Variants in SLC16A14 observed in about 807,000 individuals in gnomAD.
SLC16A14 encodes monocarboxylate transporter 14.
In SLC16A14, 14 loss-of-function variants were observed where a neutral mutation model predicts 35.8. The observed-to-expected ratio is 0.39, with a 90% CI of 0.26 to 0.61. SLC16A14 has a LOEUF of 0.61. Ranked by LOEUF, SLC16A14 falls within the 20% of genes least tolerant of loss-of-function variation. SLC16A14 has a pLI of 0.51. For synonymous variants in SLC16A14, 248 were observed against 258.9 expected, an observed-to-expected ratio of 0.96 and a Z score of 0.40; for missense variants, 533 against 655.0, an observed-to-expected ratio of 0.81 and a Z score of 2.03.
In SLC16A14 at chr2:230,059,004, G is replaced by A. The variant is rs12468042; in HGVS notation, c.259+90C>T. 4,832 of 1,491,506 alleles carry A rather than the reference G, an allele frequency of 3.2e-3. 158 individuals carry two copies. In the Admixed American group the frequency reaches 0.069, roughly 21 times the overall value. The allele number at this position is 1,491,506 out of a possible 1,614,324, so 92.4% of individuals were successfully genotyped here. ...ATAGTAGCTAGTAACATCCAATATCGAATGTTACAACAATATAAAACATCA... is the reference window on the plus strand; with the variant it reads ...ATAGTAGCTAGTAACATCCAATATCAAATGTTACAACAATATAAAACATCA... On this transcript the variant is annotated intron_variant, in intron 2 of 4. Transcript: ENST00000295190.
At chr2:230,044,736 G>GTGTGTGTATA (rs575463088) in intron 4 of SLC16A14, among the ~76,000 whole-genome samples, 1 of 107,034 alleles carries the variant, frequency 9.3e-6, no homozygotes, top group African/African-American at 3.4e-5. Flanking sequence ...GTGTGTGTGT[G>GTGTGTGTATA]TATGTGTGTG....
intron 1 of SLC16A14, among the ~76,000 whole-genome samples, chr2:230,060,718 T>A (rs1467609065): frequency 6.6e-6 from 1 of 151,720 alleles, no homozygotes; most frequent in Non-Finnish European, 1.5e-5. Context: ...AGTGTGTGTA[T>A]AAAGACTGAG....
Position 230,067,571 on chromosome 2 carries a change from T to TCA in SLC16A14, c.-15+982_-15+983dup, listed in dbSNP as rs1553822791. The stretch of plus-strand genomic sequence containing the variant: ...CTCTCTCTCTCTCTCTCTCTCTCTC[T>TCA]CACACACACACACACAGCCGCACAC... On this transcript the variant is annotated intron_variant, in intron 1 of 4. Transcript: ENST00000295190. Among the ~76,000 whole-genome samples the TCA allele has an allele frequency of 4.4e-3, 633 of 143,780 alleles. 15 individuals are homozygous for TCA. Among genetic ancestry groups the TCA allele is most frequent in the African/African-American group, 0.015 (550 of 36,046 alleles). The allele number at this position is 143,780 out of a possible 152,430, so 94.3% of individuals were successfully genotyped here.
rs114280784 is a variant in SLC16A14, at chr2:230,058,040, A to T, written c.259+1054T>A. On this transcript the variant is annotated intron_variant, in intron 2 of 4. Coordinates refer to ENST00000295190, the MANE Select transcript of SLC16A14 (RefSeq NM_152527.5). ...CAAGACTCTGTCTTAAAAAAAAAAA[A>T]ATATATCAGAACTCTGAAATGAGAT... Among the ~76,000 whole-genome samples the T allele has an allele frequency of 8.2e-3, 1,148 of 139,672 alleles. 11 individuals carry two copies. The highest frequency in any genetic ancestry group is 0.027 in the African/African-American group (970 of 36,038). The allele number at this position is 139,672 out of a possible 152,430, so 91.6% of individuals were successfully genotyped here.
At chr2:230,048,167 C>T (rs955946712) in intron 3 of SLC16A14, among the ~76,000 whole-genome samples, 7 of 152,194 alleles carry the variant, frequency 4.6e-5, no homozygotes, top group African/African-American at 1.7e-4. Context: ...CAAATTATGT[C>T]ATTTAATCAT....
chr2:230,055,952 G>A (rs1277485961), intron 2 of SLC16A14, among the ~76,000 whole-genome samples: 2 of 152,126 alleles, frequency 1.3e-5, no homozygotes, highest in East Asian at 3.8e-4. Flanking sequence ...TACAACTGAC[G>A]TAAAACTTGA....
At chr2:230,037,652 A>G in intron 4 of SLC16A14, 121 bp from the exon 5 acceptor site, 2 of 782,418 alleles carry the variant, frequency 2.6e-6, no homozygotes, top group Non-Finnish European at 3.9e-6. Flanking sequence ...GTCATTTCAT[A>G]CCAATAAAAT....
At chr2:230,045,419 G>A (rs1233718282) in intron 4 of SLC16A14, among the ~76,000 whole-genome samples, 1 of 152,162 alleles carries the variant, frequency 6.6e-6, no homozygotes, top group Non-Finnish European at 1.5e-5. Context: ...AATTAGCCGG[G>A]CGTGGTGGTG....
At chr2:230,054,086 TG>T (rs5839354) in intron 2 of SLC16A14, among the ~76,000 whole-genome samples, 13 of 151,032 alleles carry the variant, frequency 8.6e-5, no homozygotes, top group African/African-American at 2.9e-4. Context: ...CAGCCTGAGG[TG>T]GGGGGGGAAG....
At position 230,067,534 on chromosome 2, in the gene SLC16A14, T is replaced by TTCTCTCTCTCTC. The variant is rs145179402; in HGVS notation, c.-15+1009_-15+1020dup. Among the ~76,000 whole-genome samples the TTCTCTCTCTCTC allele has an allele frequency of 3.6e-3, 467 of 128,338 alleles. 2 individuals are homozygous for TTCTCTCTCTCTC. Among genetic ancestry groups the TTCTCTCTCTCTC allele is most frequent in the African/African-American group, 0.013 (419 of 31,264 alleles). 84.2% of individuals were successfully genotyped at this position (128,338 alleles called of 152,430 possible). A position where few individuals can be genotyped will look rare whatever the true frequency, so the allele number is the denominator to read the frequency against. On this transcript the variant is annotated intron_variant, in intron 1 of 4. Coordinates refer to ENST00000295190, the MANE Select transcript of SLC16A14 (RefSeq NM_152527.5). ...CCCAACACTGCCTCTCTCCCCTCTCTTCTCTCTCTCTCTCTCTCTCTCTCT... is the reference window on the plus strand; with the variant it reads ...CCCAACACTGCCTCTCTCCCCTCTCTTCTCTCTCTCTCTCTCTCTCTCTCTCTCTCTCTCTCT...
chr2:230,054,085 G>GT (rs1553820341), intron 2 of SLC16A14, among the ~76,000 whole-genome samples: 2 of 115,362 alleles, frequency 1.7e-5, no homozygotes, highest in African/African-American at 3.2e-5. Flanking sequence ...GCAGCCTGAG[G>GT]TGGGGGGGGA....
rs1469784345 is a variant in SLC16A14, at chr2:230,068,707, C to G, written c.-167G>C. ...AGACGCGGGTGCCTGCGGCTCAGCT[C>G]TCCGCCCGGCTCGGTGCGCTCTGTG... On this transcript the variant is annotated 5_prime_UTR_variant, in exon 1 of 5. Coordinates refer to ENST00000295190, the MANE Select transcript of SLC16A14 (RefSeq NM_152527.5). The surrounding 1 kb of genome is among the most constrained non-coding windows in gnomAD (Gnocchi z 5.1). 3.9e-5 allele frequency: 6 copies of G among 152,694 alleles called. No homozygotes were observed. The highest frequency in any genetic ancestry group is 7.2e-5 in the African/African-American group (3 of 41,446). The allele number at this position is 152,694 out of a possible 1,614,324, so 9.5% of individuals were successfully genotyped here. A position where few individuals can be genotyped will look rare whatever the true frequency, so the allele number is the denominator to read the frequency against.
rs2077538384 is a variant in SLC16A14, at chr2:230,038,924, A to T, written c.1382-1393T>A. On this transcript the variant is annotated intron_variant, in intron 4 of 4. Transcript: ENST00000295190. The surrounding 1 kb of genome is among the most constrained non-coding windows in gnomAD (Gnocchi z 4.4). The stretch of plus-strand genomic sequence containing the variant: ...TCCATCTCAAAAAATAAAATGAAAT[A>T]AAAAAATAAGATTTTATGATCAAAC... Among the ~76,000 whole-genome samples, 1 of 152,114 alleles carries T rather than the reference A, an allele frequency of 6.6e-6. No homozygotes were observed. The highest frequency in any genetic ancestry group is 1.5e-5 in the Non-Finnish European group (1 of 68,036).
rs1252298355 is a variant in SLC16A14 at position 230,038,751 on chromosome 2, A to G, written c.1382-1220T>C. Reference sequence around the variant, plus strand: ...AAAACCCCCATCTCTACTAAAAAATACAAAAATTAGCTGGGTGTGGTGGTG... The same window carrying G: ...AAAACCCCCATCTCTACTAAAAAATGCAAAAATTAGCTGGGTGTGGTGGTG... On this transcript the variant is annotated intron_variant, in intron 4 of 4. Coordinates refer to ENST00000295190, the MANE Select transcript of SLC16A14 (RefSeq NM_152527.5). This position sits in a 1 kb window ranked among gnomAD's most constrained non-coding sequence, Gnocchi z 4.4. Among the ~76,000 whole-genome samples the G allele has an allele frequency of 5.9e-5, 9 of 152,048 alleles. No homozygotes were observed. Among genetic ancestry groups the G allele is most frequent in the Non-Finnish European group, 1.3e-4 (9 of 67,992 alleles).
chr2:230,037,380 C>A lies in SLC16A14; in HGVS notation c.1533G>T (p.Ter511TyrextTer85). 1.3e-6 allele frequency: 2 copies of A among 1,598,686 alleles called. No individual in the cohort carries two copies. The highest frequency in any genetic ancestry group is 1.1e-5 in the South Asian group (1 of 87,830). Residue 511 changes from the stop codon to tyrosine, a stop_lost, in exon 5 of 5, where the codon TAG (stop) becomes TAT (tyrosine). Transcript: ENST00000295190. ...AACCTACACGGAACATTACATGATACTAAACATGTGCACCATCCATGTATT... is the reference window on the plus strand; with the variant it reads ...AACCTACACGGAACATTACATGATAATAAACATGTGCACCATCCATGTATT... ...RRKYMDGAHV[*>Y]
rs1334881550 is a variant in SLC16A14, at chr2:230,035,970, C to T, written c.*1410G>A. ...ATTGTTTGATTCCAATTCCTAGTAG[C>T]ATTCCTGCGTCTAATTGTGAAGGAT... On this transcript the variant is annotated 3_prime_UTR_variant, in exon 5 of 5. Transcript: ENST00000295190. 1 of 152,590 alleles carries T rather than the reference C, an allele frequency of 6.6e-6. No individual in the cohort carries two copies. The highest frequency in any genetic ancestry group is 1.5e-5 in the Non-Finnish European group (1 of 68,020). 9.5% of individuals were successfully genotyped at this position (152,590 alleles called of 1,614,324 possible). A position where few individuals can be genotyped will look rare whatever the true frequency, so the allele number is the denominator to read the frequency against.
chr2:230,047,168 GA>G lies in SLC16A14; in HGVS notation c.404-447del, dbSNP rs375552518. Among the ~76,000 whole-genome samples the G allele has an allele frequency of 8.5e-5, 13 of 152,220 alleles. No homozygotes were observed. In the East Asian group the frequency reaches 2.5e-3, roughly 29 times the overall value. On this transcript the variant is annotated intron_variant, in intron 3 of 4. Transcript: ENST00000295190. ...CCCTTGATTGCACTATGTGTCCAGA[GA>G]CCCCAACCTGGCTCTTTAGTCTCAG...
At chr2:230,067,589 C>A (rs2077812232) in intron 1 of SLC16A14, among the ~76,000 whole-genome samples, 1 of 140,406 alleles carries the variant, frequency 7.1e-6, no homozygotes, top group Non-Finnish European at 1.5e-5. Flanking sequence ...ACACACACAG[C>A]CGCACACGCA....
In SLC16A14 at chr2:230,056,323, C is replaced by T. The variant is rs534281753; in HGVS notation, c.259+2771G>A. The stretch of plus-strand genomic sequence containing the variant: ...AGGCTGGAGTGCAGTGGCGCCATCT[C>T]GGCTGACTGCAACCTCTGCCTCCTG... On this transcript the variant is annotated intron_variant, in intron 2 of 4. Coordinates refer to ENST00000295190, the MANE Select transcript of SLC16A14 (RefSeq NM_152527.5). Among the ~76,000 whole-genome samples, 3 of 146,758 alleles carry T rather than the reference C, an allele frequency of 2.0e-5. 1 individual carries two copies. In the East Asian group the frequency reaches 6.2e-4, roughly 30 times the overall value.
Sources: allele counts gnomAD v4.1 joint callset (sites outside exome capture counted in the v4.1 genomes callset), GRCh38; gene constraint gnomAD v4.1.1; non-coding constraint Gnocchi (gnomAD v3.1); transcripts MANE v1.5; gene names NCBI Gene and HGNC (gene_info 2026-07-23, HGNC 2026-07-21).